The following GALNT13 variants were observed in gnomAD, a reference collection of about 807,000 sequenced individuals.
GALNT13 encodes UDP-GalNAc:polypeptide N-acetylgalactosaminyltransferase 13.
A neutral mutation model predicts 64.2 loss-of-function variants in GALNT13; 28 were observed. The ratio of observed to expected loss-of-function variants is 0.44; its 90% CI spans 0.32 to 0.60. GALNT13 has a LOEUF of 0.60. Among genes scored for constraint, GALNT13 ranks in the 20% least tolerant of loss-of-function variants. The pLI is 0.05. For missense variants in GALNT13, 577 were observed against 669.8 expected, an observed-to-expected ratio of 0.86 and a Z score of 1.53; for synonymous variants, 214 against 224.6, an observed-to-expected ratio of 0.95 and a Z score of 0.42.
chr2:153,292,731 A>G, the GALNT13 span, among the ~76,000 whole-genome samples: 3 of 152,154 alleles, frequency 2.0e-5, no homozygotes, highest in Non-Finnish European at 4.4e-5. Flanking sequence ...GGGCTTGGGC[A>G]GTTCATAACA....
At position 154,449,426 on chromosome 2, in the gene GALNT13, CAAAAAAAAAAAA is replaced by C. The variant is rs201483247; in HGVS notation, c.1531-971_1531-960del. ...CCATTTTCAATGTAGTATCATGAGC[CAAAAAAAAAAAA>C]AAAAAAAAAAAAATTTCTTTGCCTT... On this transcript the variant is annotated intron_variant, in intron 12 of 12. Transcript: ENST00000392825. Among the ~76,000 whole-genome samples, 12 of 105,876 alleles carry C rather than the reference CAAAAAAAAAAAA, an allele frequency of 1.1e-4. No individual in the cohort carries two copies. The Admixed American group carries it at 1.2e-3, about 10-fold the overall frequency. 69.5% of individuals were successfully genotyped at this position (105,876 alleles called of 152,430 possible). A position where few individuals can be genotyped will look rare whatever the true frequency, so the allele number is the denominator to read the frequency against.
chr2:153,405,449 C>A, the GALNT13 span, among the ~76,000 whole-genome samples: 1 of 152,154 alleles, frequency 6.6e-6, no homozygotes, highest in Non-Finnish European at 1.5e-5. Context: ...CACTTTGGGG[C>A]CTGTGCAGCT....
chr2:153,122,736 C>T, the GALNT13 span, among the ~76,000 whole-genome samples: 1 of 152,122 alleles, frequency 6.6e-6, no homozygotes, highest in Non-Finnish European at 1.5e-5. Context: ...TTGTAAATAT[C>T]AGTTTCCAGG....
chr2:154,002,898 C>T (rs1160696126), intron 3 of GALNT13, among the ~76,000 whole-genome samples: 1 of 152,174 alleles, frequency 6.6e-6, no homozygotes, highest in African/African-American at 2.4e-5. Flanking sequence ...AGAACTTACT[C>T]ACTGCCCTTC....
At chr2:154,234,523 T>G (rs1197576223) in intron 4 of GALNT13, among the ~76,000 whole-genome samples, 1 of 152,180 alleles carries the variant, frequency 6.6e-6, no homozygotes, top group Non-Finnish European at 1.5e-5. Flanking sequence ...ATTATGTTAC[T>G]GAGGTTTGAG....
At position 153,976,068 on chromosome 2, in the gene GALNT13, G is replaced by T. The variant is rs560353882; in HGVS notation, c.142+31429G>T. ...GACATTGCCACTTCAAAATTATTTT[G>T]TCTTCCTTATTTTATGACAGCTCTT... On this transcript the variant is annotated intron_variant, in intron 3 of 12. Coordinates refer to ENST00000392825, the MANE Select transcript of GALNT13 (RefSeq NM_052917.4). Among the ~76,000 whole-genome samples, 7 of 152,038 alleles carry T rather than the reference G, an allele frequency of 4.6e-5. No homozygotes were observed. The South Asian group carries it at 1.2e-3, about 27-fold the overall frequency.
At chr2:153,164,017 C>CA in the GALNT13 span, among the ~76,000 whole-genome samples, 2,479 of 102,546 alleles carry the variant, frequency 0.024, 56 homozygotes, top group African/African-American at 0.06. Context: ...GGCTCCGTCT[C>CA]AAAAAAAAAA....
chr2:153,311,676 G>A, the GALNT13 span, among the ~76,000 whole-genome samples: 17 of 152,316 alleles, frequency 1.1e-4, no homozygotes, highest in South Asian at 2.9e-3. Flanking sequence ...CCACAGGGCT[G>A]CCTCATAGCC....
At chr2:153,196,901 A>G in the GALNT13 span, among the ~76,000 whole-genome samples, 7 of 151,790 alleles carry the variant, frequency 4.6e-5, no homozygotes, top group African/African-American at 1.7e-4. Flanking sequence ...CACTGCTCGT[A>G]CCTCCCCACT....
At chr2:153,667,894 A>G in the GALNT13 span, among the ~76,000 whole-genome samples, 28 of 152,068 alleles carry the variant, frequency 1.8e-4, no homozygotes, top group Admixed American at 4.6e-4. Context: ...CTAACAATCA[A>G]TGACACCTGT....
chr2:153,651,158 C>T, the GALNT13 span, among the ~76,000 whole-genome samples: 3 of 148,560 alleles, frequency 2.0e-5, no homozygotes, highest in Non-Finnish European at 3.0e-5. Context: ...AGTATTCGTA[C>T]CACAATAAAG....
the GALNT13 span, among the ~76,000 whole-genome samples, chr2:153,092,573 G>A: frequency 6.7e-6 from 1 of 149,654 alleles, no homozygotes; most frequent in Non-Finnish European, 1.5e-5. Context: ...GTTAATTCCT[G>A]GATATTTAAT....
intron 9 of GALNT13, among the ~76,000 whole-genome samples, chr2:154,353,086 A>G (rs1389641236): frequency 1.3e-5 from 2 of 152,052 alleles, no homozygotes; most frequent in African/African-American, 2.4e-5. Flanking sequence ...GCAAACATCA[A>G]CTCAGCCATT....
the GALNT13 span, among the ~76,000 whole-genome samples, chr2:153,412,948 A>G: frequency 6.6e-6 from 1 of 152,222 alleles, no homozygotes; most frequent in Non-Finnish European, 1.5e-5. Flanking sequence ...GGATAATTTA[A>G]GAATGATTCT....
chr2:153,977,364 C>T (rs1450225603), intron 3 of GALNT13, among the ~76,000 whole-genome samples: 1 of 152,128 alleles, frequency 6.6e-6, no homozygotes, highest in Non-Finnish European at 1.5e-5. Context: ...CACAGTTCCT[C>T]AAGGCTGGAG....
the GALNT13 span, among the ~76,000 whole-genome samples, chr2:153,213,225 T>G: frequency 6.6e-6 from 1 of 152,094 alleles, no homozygotes; most frequent in Admixed American, 6.6e-5. Flanking sequence ...CACCCCATCA[T>G]CTCCCATCAA....
At chr2:154,057,670 G>T (rs1699964318) in intron 3 of GALNT13, among the ~76,000 whole-genome samples, 1 of 152,194 alleles carries the variant, frequency 6.6e-6, no homozygotes, top group South Asian at 2.1e-4. Context: ...AGCAACAAAA[G>T]AGAGCAATGG....
At chr2:153,497,219 G>A in the GALNT13 span, among the ~76,000 whole-genome samples, 8 of 151,872 alleles carry the variant, frequency 5.3e-5, no homozygotes, top group Non-Finnish European at 8.8e-5. Context: ...TACATCTCAC[G>A]GAGCACTAAA....
chr2:154,027,186 C>A (rs1336739272), intron 3 of GALNT13, among the ~76,000 whole-genome samples: 1 of 152,174 alleles, frequency 6.6e-6, no homozygotes, highest in Non-Finnish European at 1.5e-5. Context: ...CTCTTGACAG[C>A]ATATGGTATT....
Sources: gnomAD v4.1 joint callset for allele counts (sites outside exome capture counted in the v4.1 genomes callset) on GRCh38, gnomAD v4.1.1 for gene constraint, MANE v1.5 for transcripts, NCBI Gene and HGNC (gene_info 2026-07-23, HGNC 2026-07-21) for gene names.